Variants in NRP2 observed in about 807,000 individuals in gnomAD.
NRP2 encodes neuropilin 2.
A neutral mutation model predicts 110.4 loss-of-function variants in NRP2; 52 were observed. That is an observed-to-expected ratio of 0.47 (90% CI 0.38 to 0.59). The LOEUF (loss-of-function observed/expected upper bound fraction) is 0.59. Among genes scored for constraint, NRP2 ranks in the 20% least tolerant of loss-of-function variants. The pLI, the probability that NRP2 is intolerant of heterozygous loss-of-function variation, is 0.00. For synonymous variants in NRP2, 508 were observed against 468.9 expected (o/e 1.08, Z -1.08); for missense variants, 1,049 against 1,203.0 (o/e 0.87, Z 1.89).
intron 11 of NRP2, 105 bp from the exon 12 acceptor site, chr2:205,752,730 C>A: frequency 8.2e-7 from 1 of 1,215,416 alleles, no homozygotes; most frequent in East Asian, 2.4e-5. Flanking sequence ...ACTTCTTTCT[C>A]TGCTCTCCAC....
chr2:205,794,632 TA>T, intron 16 of NRP2, 121 bp from the exon 17 acceptor site: 1 of 1,040,542 alleles, frequency 9.6e-7, no homozygotes, highest in Non-Finnish European at 1.5e-6. Context: ...CCAGGCAGTC[TA>T]ATTCCAGAGC....
Position 205,725,953 on chromosome 2 carries a change from G to A in NRP2, c.861G>A (p.Arg287=). The change falls in exon 6 of 17, where the codon CGG becomes CGA. Residue 287 remains arginine, a synonymous_variant. Coordinates refer to ENST00000357785, the MANE Select transcript of NRP2 (RefSeq NM_003872.3). The surrounding 1 kb of genome is among the most constrained non-coding windows in gnomAD (Gnocchi z 4.1). The stretch of plus-strand genomic sequence containing the variant: ...TTCCTCTGGGCATGGAGTCTGGCCG[G>A]ATTGCTAATGAACAGATCAGTGCCT... The part of the protein sequence containing the change: ...CNVPLGMESG[R]IANEQISASS... 1 of 1,614,172 alleles carries A rather than the reference G, an allele frequency of 6.2e-7. No individual in the cohort carries two copies. The highest frequency in any genetic ancestry group is 8.5e-7 in the Non-Finnish European group (1 of 1,180,028).
chr2:205,693,823 G>A (rs1001780834), intron 1 of NRP2, among the ~76,000 whole-genome samples: 2 of 152,172 alleles, frequency 1.3e-5, no homozygotes, highest in South Asian at 2.1e-4. Context: ...CAACTAAAGC[G>A]AGGGATCTGA....
At chr2:205,751,396 C>G (rs1052683143) in intron 11 of NRP2, among the ~76,000 whole-genome samples, 14 of 152,014 alleles carry the variant, frequency 9.2e-5, no homozygotes, top group African/African-American at 3.4e-4. Context: ...GTAAACATTA[C>G]AGAGGATTTA....
intron 10 of NRP2, among the ~76,000 whole-genome samples, chr2:205,748,761 C>A (rs768135909): frequency 7.9e-5 from 12 of 152,120 alleles, no homozygotes; most frequent in Non-Finnish European, 1.8e-4. Context: ...AGACACCACC[C>A]CAAAACACAT....
chr2:205,773,194 A>G (rs1334963848), intron 15 of NRP2, among the ~76,000 whole-genome samples: 1 of 152,192 alleles, frequency 6.6e-6, no homozygotes, highest in Non-Finnish European at 1.5e-5. Context: ...ATTCTAAACC[A>G]GCACACTCCA....
intron 15 of NRP2, among the ~76,000 whole-genome samples, chr2:205,769,505 T>TACACACACAC (rs56837273): frequency 0.14 from 21,021 of 145,022 alleles, 1,776 homozygotes; most frequent in East Asian, 0.19. Context: ...TATACATACA[T>TACACACACAC]ACACACACAC....
intron 15 of NRP2, chr2:205,767,806 T>A (rs1347570632): frequency 5.9e-6 from 1 of 169,508 alleles, no homozygotes; most frequent in Non-Finnish European, 1.3e-5. Flanking sequence ...TGATGGGGGT[T>A]CTTCATGACC....
At chr2:205,727,333 A>G (rs181006994) in intron 6 of NRP2, among the ~76,000 whole-genome samples, 16 of 152,356 alleles carry the variant, frequency 1.1e-4, no homozygotes, top group African/African-American at 3.8e-4. Context: ...ATAGAGCAAA[A>G]GGTCAGGACT....
intron 15 of NRP2, among the ~76,000 whole-genome samples, chr2:205,787,718 CTGTGTGTGTGTGTG>C (rs60558986): frequency 6.9e-6 from 1 of 144,076 alleles, no homozygotes; most frequent in Admixed American, 6.9e-5. Flanking sequence ...AAAAAAGTGT[CTGTGTGTGTGTGTG>C]TGTGTGTGTG....
chr2:205,727,954 A>G lies in NRP2; in HGVS notation c.1054A>G (p.Thr352Ala). The G allele has an allele frequency of 6.2e-7, 1 of 1,614,208 alleles. No homozygotes were observed. The highest frequency in any genetic ancestry group is 8.5e-7 in the Non-Finnish European group (1 of 1,180,044). Residue 352 changes from threonine to alanine, a missense_variant, in exon 7 of 17, where the codon ACA (threonine) becomes GCA (alanine). Coordinates refer to ENST00000357785, the MANE Select transcript of NRP2 (RefSeq NM_003872.3). ...AACACAGGGAGCGATTTCCAGGGAA[A>G]CACAGAATGGCTACTATGTCAAATC... ...IATQGAISRE[T>A]QNGYYVKSYK...
At chr2:205,720,262 C>CTTTTT (rs202203741) in intron 3 of NRP2, among the ~76,000 whole-genome samples, 35 of 129,150 alleles carry the variant, frequency 2.7e-4, no homozygotes, top group East Asian at 1.1e-3. Flanking sequence ...TTTTTTCTTT[C>CTTTTT]TTTTTTTTTT....
At chr2:205,700,802 C>T in intron 2 of NRP2, 1 of 515,018 alleles carries the variant, frequency 1.9e-6, no homozygotes, top group Non-Finnish European at 3.9e-6. Context: ...TCCCTTGACT[C>T]CTCCCTCCAG....
At chr2:205,697,974 G>A (rs1258613838) in intron 2 of NRP2, 30 of 519,562 alleles carry the variant, frequency 5.8e-5, no homozygotes, top group East Asian at 4.5e-4. Context: ...TCCAAAGGCC[G>A]GTAGTGGAGG....
Position 205,776,788 on chromosome 2 carries a change from C to A in NRP2, c.2425+9985C>A, listed in dbSNP as rs2058107989. ...TGCATCTTGGACTATCCGAAGAGAT[C>A]CACCCCCAAGCACTCCACAACTCAA... On this transcript the variant is annotated intron_variant, in intron 15 of 16. Coordinates refer to ENST00000357785, the MANE Select transcript of NRP2 (RefSeq NM_003872.3). 19 of 1,378,022 alleles carry A rather than the reference C, an allele frequency of 1.4e-5. No individual in the cohort carries two copies. In the South Asian group the frequency reaches 2.7e-4, roughly 20 times the overall value. The allele number at this position is 1,378,022 out of a possible 1,614,324, so 85.4% of individuals were successfully genotyped here.
intron 1 of NRP2, among the ~76,000 whole-genome samples, chr2:205,688,170 A>G (rs1329267766): frequency 6.6e-6 from 1 of 152,228 alleles, no homozygotes; most frequent in Non-Finnish European, 1.5e-5. Flanking sequence ...TAATTTCTTG[A>G]ACTGACAAGA....
At chr2:205,794,300 C>T (rs184036688) in intron 16 of NRP2, among the ~76,000 whole-genome samples, 33 of 152,080 alleles carry the variant, frequency 2.2e-4, no homozygotes, top group African/African-American at 6.3e-4. Context: ...TTAGTAGAGA[C>T]GGGGTTTCAC....
rs1575692839 is a variant in NRP2 at position 205,795,367 on chromosome 2, T to C, written c.*309T>C. On this transcript the variant is annotated 3_prime_UTR_variant, in exon 17 of 17. Coordinates refer to ENST00000357785, the MANE Select transcript of NRP2 (RefSeq NM_003872.3). ...CTATTTTGTTTGTGAGTTTGTATTA[T>C]TATTATTATTATTATTATTATTATA... is the stretch of plus-strand genomic sequence containing the variant. 6.9e-6 allele frequency: 1 copy of C among 145,138 alleles called. No individual in the cohort carries two copies. Among genetic ancestry groups the C allele is most frequent in the East Asian group, 1.9e-4 (1 of 5,176 alleles). The allele number at this position is 145,138 out of a possible 1,614,324, so 9.0% of individuals were successfully genotyped here. A position where few individuals can be genotyped will look rare whatever the true frequency, so the allele number is the denominator to read the frequency against.
In NRP2 at chr2:205,743,068, T is replaced by C. The variant is rs189762105; in HGVS notation, c.1292-135T>C. ...GCTCTTAACCACAGTGCTGTACACATTCACCATGCAAAGAAATTAGTGCTG... is the reference window on the plus strand; with the variant it reads ...GCTCTTAACCACAGTGCTGTACACACTCACCATGCAAAGAAATTAGTGCTG... On this transcript the variant is annotated intron_variant, in intron 8 of 16. Coordinates refer to ENST00000357785, the MANE Select transcript of NRP2 (RefSeq NM_003872.3). The C allele has an allele frequency of 1.1e-5, 17 of 1,546,226 alleles. No individual in the cohort carries two copies. In the East Asian group the frequency reaches 2.9e-4, roughly 26 times the overall value.
Sources: gnomAD v4.1 joint callset for allele counts (sites outside exome capture counted in the v4.1 genomes callset) on GRCh38, gnomAD v4.1.1 for gene constraint, Gnocchi (gnomAD v3.1) non-coding constraint, MANE v1.5 for transcripts, NCBI Gene and HGNC (gene_info 2026-07-23, HGNC 2026-07-21) for gene names.